The following TLCD3B variants were observed in gnomAD, a reference collection of about 807,000 sequenced individuals.
TLCD3B encodes ceramide synthase.
Under a neutral mutation model 23.0 loss-of-function variants are expected in TLCD3B, and 9 were observed. That is an observed-to-expected ratio of 0.39 (90% CI 0.24 to 0.68). The LOEUF is 0.68. Ranked by LOEUF, TLCD3B falls within the 30% of genes least tolerant of loss-of-function variation. The probability of loss-of-function intolerance (pLI) is 0.44; values close to 1 mark genes in which losing one functional copy is unlikely to be tolerated. For missense variants in TLCD3B, 307 were observed against 371.8 expected, an observed-to-expected ratio of 0.83 and a Z score of 1.43; for synonymous variants, 161 against 161.0, an observed-to-expected ratio of 1.00 and a Z score of 0.00.
chr16:30,035,408 A>T, upstream of TLCD3B: 2 of 1,289,648 alleles, frequency 1.6e-6, no homozygotes, highest in Non-Finnish European at 2.0e-6. Context: ...GTGGTTCTGC[A>T]AGCCCCAGCG....
At chr16:30,039,253 A>C (rs1423830893) in intron 3 of TLCD3B, among the ~76,000 whole-genome samples, 2 of 151,922 alleles carry the variant, frequency 1.3e-5, no homozygotes, top group Admixed American at 6.6e-5. Flanking sequence ...CCTCCCGAGT[A>C]GCTGGGATTA....
rs746730076 is a variant in TLCD3B at position 30,025,475 on chromosome 16, G to A, written c.541-8C>T. On this transcript the variant is annotated splice_region_variant and splice_polypyrimidine_tract_variant and intron_variant, in intron 4 of 4. Coordinates refer to ENST00000380495, the MANE Select transcript of TLCD3B (RefSeq NM_031478.6). This position sits in a 1 kb window ranked among gnomAD's most constrained non-coding sequence, Gnocchi z 4.1. ...TGTGTGCTGCTGCTTGTACTGAGGA[G>A]ACACAGACACAGTGGCCACGGCAGC... The A allele has an allele frequency of 4.3e-6, 7 of 1,610,894 alleles. 1 individual carries two copies. In the South Asian group the frequency reaches 6.6e-5, roughly 15 times the overall value.
upstream of TLCD3B, among the ~76,000 whole-genome samples, chr16:30,031,798 C>T (rs1284388458): frequency 6.6e-6 from 1 of 152,224 alleles, no homozygotes; most frequent in Non-Finnish European, 1.5e-5. Flanking sequence ...GTCACTGCGT[C>T]TGTCCTTCCC....
intron 3 of TLCD3B, among the ~76,000 whole-genome samples, chr16:30,040,144 A>AAAAAAG (rs1555475545): frequency 9.1e-6 from 1 of 109,438 alleles, no homozygotes; most frequent in East Asian, 2.1e-4. Context: ...AAAAAAAAAA[A>AAAAAAG]AAAATATATA....
At chr16:30,027,034 C>T (rs2071174808) in intron 2 of TLCD3B, 191 bp from the exon 3 acceptor site, 4 of 687,330 alleles carry the variant, frequency 5.8e-6, no homozygotes, top group Non-Finnish European at 1.1e-5. Flanking sequence ...AGAGATGGTG[C>T]TGGGATTCAA....
chr16:30,046,692 A>G (rs1376864713), intron 1 of TLCD3B: 3 of 152,260 alleles, frequency 2.0e-5, no homozygotes, highest in Admixed American at 1.3e-4. Flanking sequence ...TTCTTCTCAC[A>G]TAGACTGGCT....
chr16:30,030,251 T>C lies in TLCD3B; in HGVS notation c.125+152A>G, dbSNP rs2071313264. 3.6e-6 allele frequency: 4 copies of C among 1,109,802 alleles called. No individual in the cohort carries two copies. The South Asian group carries it at 5.9e-5, about 16-fold the overall frequency. The allele number at this position is 1,109,802 out of a possible 1,614,324, so 68.7% of individuals were successfully genotyped here. A position where few individuals can be genotyped will look rare whatever the true frequency, so the allele number is the denominator to read the frequency against. ...CCAGAACAGTGAGCAAGGCAGGCAG[T>C]GAGGAGAGAGGAAGCCTGGGGGTAA... is the stretch of plus-strand genomic sequence containing the variant. On this transcript the variant is annotated intron_variant, in intron 1 of 4. Transcript: ENST00000380495.
chr16:30,044,256 CCAGAGTG>C (rs1185456300), intron 2 of TLCD3B, among the ~76,000 whole-genome samples: 1 of 151,896 alleles, frequency 6.6e-6, no homozygotes, highest in Non-Finnish European at 1.5e-5. Flanking sequence ...CTCACACCTC[CCAGAGTG>C]CTGGGATTAC....
In TLCD3B at chr16:30,044,692, A is replaced by C. The variant is rs1206680955; in HGVS notation, c.-229+1631T>G. ...TGTGATAAACAGAAGGTAACAAAAA[A>C]TATACAAAATGAAAACACATTTTAT... On this transcript the variant is annotated intron_variant, in intron 2 of 6. Transcript: ENST00000561666. Among the ~76,000 whole-genome samples the C allele has an allele frequency of 2.0e-5, 3 of 152,360 alleles. No homozygotes were observed. The East Asian group carries it at 5.8e-4, about 29-fold the overall frequency.
At chr16:30,042,499 C>T (rs950188987) in intron 2 of TLCD3B, among the ~76,000 whole-genome samples, 9 of 152,166 alleles carry the variant, frequency 5.9e-5, no homozygotes, top group Admixed American at 3.3e-4. Flanking sequence ...GTTGGGATTA[C>T]AGGCATGAGC....
chr16:30,051,521 CAA>C (rs199594296), intron 1 of TLCD3B, among the ~76,000 whole-genome samples: 38 of 62,838 alleles, frequency 6.0e-4, no homozygotes, highest in South Asian at 4.0e-3. Context: ...AACTCCGTTT[CAA>C]AAAAAAAAAA....
intron 2 of TLCD3B, chr16:30,027,832 G>C (rs2071214923): frequency 8.4e-6 from 3 of 355,766 alleles, no homozygotes; most frequent in African/African-American, 4.3e-5. Flanking sequence ...CGCCCCACAA[G>C]GGGTGGAGGG....
chr16:30,028,309 G>T (rs1450615058), intron 2 of TLCD3B, among the ~76,000 whole-genome samples: 1 of 152,122 alleles, frequency 6.6e-6, no homozygotes, highest in Non-Finnish European at 1.5e-5. Context: ...TGCTGCCCTG[G>T]ATTAACCCGG....
chr16:30,038,565 C>T (rs1225797265), intron 3 of TLCD3B, among the ~76,000 whole-genome samples: 2 of 152,198 alleles, frequency 1.3e-5, no homozygotes, highest in Admixed American at 6.5e-5. Flanking sequence ...GCCTGACCAA[C>T]ATGGTGAAAC....
intron 1 of TLCD3B, among the ~76,000 whole-genome samples, chr16:30,051,332 G>A (rs1246561495): frequency 6.6e-6 from 1 of 151,762 alleles, no homozygotes; most frequent in African/African-American, 2.4e-5. Flanking sequence ...TCGGGAGTTC[G>A]AGACCAGCCT....
chr16:30,026,553 G>T (rs1160472306), intron 3 of TLCD3B, 56 bp downstream of exon 3: 18 of 1,491,296 alleles, frequency 1.2e-5, no homozygotes, highest in Non-Finnish European at 1.5e-5. Context: ...GCCAGCACCA[G>T]CAGGACCAAG....
chr16:30,036,431 A>G (rs2071475129), intron 3 of TLCD3B: 1 of 1,264,950 alleles, frequency 7.9e-7, no homozygotes, highest in South Asian at 1.3e-5. Context: ...AGAGGTGTGG[A>G]GCAGGCACAG....
At chr16:30,045,508 TGTGTGTGTG>T (rs1209971234) in intron 2 of TLCD3B, among the ~76,000 whole-genome samples, 1 of 134,234 alleles carries the variant, frequency 7.4e-6, no homozygotes, top group Non-Finnish European at 1.6e-5. Context: ...GTGTATGGTG[TGTGTGTGTG>T]GTGTGTGTGG....
chr16:30,030,754 G>T lies in TLCD3B; in HGVS notation c.-227C>A. The T allele has an allele frequency of 1.6e-6, 2 of 1,241,296 alleles. No homozygotes were observed. Among genetic ancestry groups the T allele is most frequent in the Non-Finnish European group, 2.0e-6 (2 of 988,158 alleles). The allele number at this position is 1,241,296 out of a possible 1,614,324, so 76.9% of individuals were successfully genotyped here. A position where few individuals can be genotyped will look rare whatever the true frequency, so the allele number is the denominator to read the frequency against. On this transcript the variant is annotated 5_prime_UTR_variant, in exon 1 of 5. Coordinates refer to ENST00000380495, the MANE Select transcript of TLCD3B (RefSeq NM_031478.6). ...GGCAGAGACGGGGGAGGGGAGGATG[G>T]GAGAAGGGGAGCAGGAGCAGGCCAG...
Sources: gnomAD v4.1 joint callset for allele counts (sites outside exome capture counted in the v4.1 genomes callset) on GRCh38, gnomAD v4.1.1 for gene constraint, Gnocchi (gnomAD v3.1) non-coding constraint, MANE v1.5 for transcripts, NCBI Gene and HGNC (gene_info 2026-07-23, HGNC 2026-07-21) for gene names.